Variants in ART3 observed in about 807,000 individuals in gnomAD.
The protein encoded by ART3 is ecto-ADP-ribosyltransferase 3.
A neutral mutation model predicts 48.5 loss-of-function variants in ART3; 49 were observed. The observed-to-expected ratio is 1.01, with a 90% CI of 0.80 to 1.28. ART3 has a LOEUF of 1.28. ART3 is among the 50% of genes most tolerant of loss of function. The probability of loss-of-function intolerance (pLI) is 0.00; values close to 1 mark genes in which losing one functional copy is unlikely to be tolerated. For synonymous variants in ART3, 145 were observed against 157.2 expected, an observed-to-expected ratio of 0.92 and a Z score of 0.58; for missense variants, 438 against 454.3, an observed-to-expected ratio of 0.96 and a Z score of 0.33.
At chr4:76,023,609 G>T in intron 1 of ART3, 1 of 530,216 alleles carries the variant, frequency 1.9e-6, no homozygotes, top group Admixed American at 3.0e-5. Context: ...GGCTGTTCCT[G>T]GGGAAGTCCC....
intron 1 of ART3, among the ~76,000 whole-genome samples, chr4:76,012,711 T>C (rs150725956): frequency 6.6e-6 from 1 of 152,312 alleles, no homozygotes; most frequent in Non-Finnish European, 1.5e-5. Context: ...TTGCAAAATG[T>C]TGACAATAGC....
upstream of ART3, among the ~76,000 whole-genome samples, chr4:76,073,787 A>G (rs1230736407): frequency 6.6e-6 from 1 of 152,204 alleles, no homozygotes; most frequent in Non-Finnish European, 1.5e-5. Context: ...CTTGATATAA[A>G]TTAAATCATA....
At chr4:76,107,630 G>A (rs10033843) in intron 10 of ART3, 131 bp from the exon 11 acceptor site, 160,771 of 572,744 alleles carry the variant, frequency 0.28, 27,841 homozygotes, top group African/African-American at 0.66. Flanking sequence ...ACACATACCC[G>A]TAAACCTATT....
intron 1 of ART3, among the ~76,000 whole-genome samples, chr4:76,047,693 G>A (rs1735644459): frequency 6.6e-6 from 1 of 151,934 alleles, no homozygotes; most frequent in Admixed American, 6.6e-5. Flanking sequence ...TTGCTGACTG[G>A]TAGGGAATTT....
intron 1 of ART3, among the ~76,000 whole-genome samples, chr4:76,028,215 A>G (rs945780158): frequency 1.3e-5 from 2 of 152,180 alleles, no homozygotes; most frequent in African/African-American, 2.4e-5. Context: ...CAAGCCCACT[A>G]TTACTTATTT....
At chr4:76,051,010 G>A (rs1168034277) in intron 1 of ART3, among the ~76,000 whole-genome samples, 6 of 152,212 alleles carry the variant, frequency 3.9e-5, no homozygotes, top group African/African-American at 7.2e-5. Flanking sequence ...AAGCCCACGC[G>A]CAGCCCTGGT....
chr4:76,093,385 G>A (rs1316439154), intron 3 of ART3, among the ~76,000 whole-genome samples: 11 of 152,124 alleles, frequency 7.2e-5, no homozygotes, highest in Admixed American at 5.9e-4. Flanking sequence ...CCACGACTGC[G>A]CCACTGTGCA....
intron 1 of ART3, among the ~76,000 whole-genome samples, chr4:76,031,439 G>A (rs1387497093): frequency 6.6e-6 from 1 of 151,946 alleles, no homozygotes; most frequent in Non-Finnish European, 1.5e-5. Flanking sequence ...AGCTATTGCA[G>A]CAAATCCCAA....
At chr4:76,061,380 T>C (rs1487239135) in intron 1 of ART3, among the ~76,000 whole-genome samples, 4 of 152,168 alleles carry the variant, frequency 2.6e-5, no homozygotes. Flanking sequence ...TACCAAATCA[T>C]TTTGATTTGG....
intron 3 of ART3, among the ~76,000 whole-genome samples, chr4:76,085,630 TA>T (rs1723381418): frequency 1.3e-5 from 2 of 151,854 alleles, no homozygotes; most frequent in African/African-American, 4.8e-5. Flanking sequence ...TATAAAAAGA[TA>T]GGGGAAAAAA....
chr4:76,050,171 C>T (rs1735917117), intron 1 of ART3, among the ~76,000 whole-genome samples: 2 of 152,064 alleles, frequency 1.3e-5, no homozygotes, highest in African/African-American at 2.4e-5. Context: ...AAGAACAAAG[C>T]TTCCACAGTG....
chr4:76,028,348 G>A (rs1733595184), intron 1 of ART3, among the ~76,000 whole-genome samples: 1 of 152,138 alleles, frequency 6.6e-6, no homozygotes, highest in Admixed American at 6.5e-5. Context: ...TCACTGATCT[G>A]AGTATAATTT....
In ART3 at chr4:76,027,455, A is replaced by G. The variant is rs191833991; in HGVS notation, c.-10+16135A>G. ...TGGCCAGGAGAGGAAAGCTTGTGCA[A>G]TTACAGATAAATGTCATCAAAAAAT... On this transcript the variant is annotated intron_variant, in intron 1 of 9. Coordinates refer to the ART3 transcript ENST00000341029. 6.0e-4 allele frequency among the ~76,000 whole-genome samples: 92 copies of G among 152,242 alleles called. 2 individuals carry two copies. Among genetic ancestry groups the G allele is most frequent in the Non-Finnish European group, 4.4e-5 (3 of 68,022 alleles).
At chr4:76,017,637 C>T (rs1732386859) in intron 1 of ART3, among the ~76,000 whole-genome samples, 1 of 152,162 alleles carries the variant, frequency 6.6e-6, no homozygotes, top group African/African-American at 2.4e-5. Flanking sequence ...TCCACTGGCT[C>T]TTCAGCACAG....
chr4:76,098,966 C>A lies in ART3; in HGVS notation c.826C>A (p.Pro276Thr), dbSNP rs1726645986. ...NCIENLEYFQPIYVYNPGEKN... is the reference protein window; with the variant it reads ...NCIENLEYFQTIYVYNPGEKN... ...TGTCTGTATTTCAGAATATTTTCAACCCATCTATGTCTACAACCCTGGTGA... is the reference window on the plus strand; with the variant it reads ...TGTCTGTATTTCAGAATATTTTCAAACCATCTATGTCTACAACCCTGGTGA... The change falls in exon 5 of 12, where the codon CCC becomes ACC. Residue 276 changes from proline (P) to threonine (T), a missense_variant. Pro to Thr is a conservative substitution (Grantham distance 38, BLOSUM62 -1). Coordinates refer to ENST00000355810, the MANE Select transcript of ART3 (RefSeq NM_001130016.3). 3.1e-6 allele frequency: 5 copies of A among 1,609,032 alleles called. No individual in the cohort carries two copies. The highest frequency in any genetic ancestry group is 1.1e-5 in the South Asian group (1 of 90,952).
At chr4:76,052,704 T>C (rs1736230681) in intron 1 of ART3, among the ~76,000 whole-genome samples, 1 of 107,388 alleles carries the variant, frequency 9.3e-6, no homozygotes, top group African/African-American at 3.8e-5. Flanking sequence ...GTGTACCCAA[T>C]TTCTTTTTTC....
At chr4:76,044,312 A>T (rs187712818) in intron 1 of ART3, among the ~76,000 whole-genome samples, 91 of 152,132 alleles carry the variant, frequency 6.0e-4, no homozygotes, top group African/African-American at 2.1e-3. Context: ...TGAAAACCAC[A>T]TTCTTCCCCT....
At chr4:76,065,856 A>G (rs1251464741) in intron 1 of ART3, among the ~76,000 whole-genome samples, 1 of 152,112 alleles carries the variant, frequency 6.6e-6, no homozygotes. Flanking sequence ...CTAAATAGAT[A>G]TATGTTTCAT....
intron 3 of ART3, among the ~76,000 whole-genome samples, chr4:76,095,572 T>A (rs1364218211): frequency 6.6e-6 from 1 of 152,030 alleles, no homozygotes; most frequent in Non-Finnish European, 1.5e-5. Context: ...CTTCAAAAAT[T>A]TTGTGCATAA....
Sources: gnomAD v4.1 joint callset for allele counts (sites outside exome capture counted in the v4.1 genomes callset) on GRCh38, gnomAD v4.1.1 for gene constraint, MANE v1.5 for transcripts, NCBI Gene and HGNC (gene_info 2026-07-23, HGNC 2026-07-21) for gene names.